The following CHSY1 variants were observed in gnomAD, a reference collection of about 807,000 sequenced individuals.
The protein encoded by CHSY1 is N-acetylgalactosaminyl-proteoglycan 3-beta-glucuronosyltransferase 1.
A neutral mutation model predicts 59.8 loss-of-function variants in CHSY1; 13 were observed. The ratio of observed to expected loss-of-function variants is 0.22; its 90% CI spans 0.14 to 0.35. The LOEUF is 0.35. Ranked by LOEUF, CHSY1 falls within the 10% of genes least tolerant of loss-of-function variation. The pLI is 1.00. For missense variants in CHSY1, 947 were observed against 1,030.6 expected (o/e 0.92, Z 1.11); for synonymous variants, 459 against 401.2 (o/e 1.14, Z -1.72).
intron 2 of CHSY1, among the ~76,000 whole-genome samples, chr15:101,195,478 G>T (rs761970118): frequency 4.3e-4 from 65 of 152,314 alleles, no homozygotes; most frequent in Non-Finnish European, 5.4e-4. Flanking sequence ...TAATGGTAAA[G>T]GTATAAGTCA....
chr15:101,221,387 G>A (rs1385489948), intron 2 of CHSY1, among the ~76,000 whole-genome samples: 4 of 152,138 alleles, frequency 2.6e-5, no homozygotes, highest in Non-Finnish European at 5.9e-5. Flanking sequence ...CAGCTACTCA[G>A]GACGCTGGGG....
At chr15:101,238,706 T>TA (rs1484585859) in intron 1 of CHSY1, among the ~76,000 whole-genome samples, 1 of 152,222 alleles carries the variant, frequency 6.6e-6, no homozygotes, top group Admixed American at 6.5e-5. Context: ...CCTGTATTCT[T>TA]ACGCCACTTA....
chr15:101,226,499 C>A (rs894839999), intron 2 of CHSY1, among the ~76,000 whole-genome samples: 4 of 152,196 alleles, frequency 2.6e-5, no homozygotes, highest in African/African-American at 4.8e-5. Flanking sequence ...TCAAGTCAGG[C>A]CTATTTGTGC....
intron 2 of CHSY1, among the ~76,000 whole-genome samples, chr15:101,181,249 T>G (rs1486606999): frequency 6.6e-6 from 1 of 152,226 alleles, no homozygotes. Flanking sequence ...GCCCACAATG[T>G]GCCTAACTGA....
chr15:101,211,221 G>T (rs894822046), intron 2 of CHSY1, among the ~76,000 whole-genome samples: 1 of 152,188 alleles, frequency 6.6e-6, no homozygotes, highest in Non-Finnish European at 1.5e-5. Flanking sequence ...CTACCTGGGA[G>T]GCTGAGGCAG....
intron 2 of CHSY1, among the ~76,000 whole-genome samples, chr15:101,196,308 T>C (rs1567092297): frequency 1.3e-5 from 2 of 151,360 alleles, no homozygotes; most frequent in Non-Finnish European, 2.9e-5. Context: ...TCCATAAGTA[T>C]AAATTACACT....
At chr15:101,241,802 T>C (rs1405153541) in intron 1 of CHSY1, among the ~76,000 whole-genome samples, 4 of 152,202 alleles carry the variant, frequency 2.6e-5, no homozygotes, top group African/African-American at 7.2e-5. Context: ...GTAGAACTGA[T>C]GGATAATAGG....
Position 101,177,918 on chromosome 15 carries a change from G to A in CHSY1, c.1879C>T (p.Leu627Phe). Residue 627 changes from leucine (L) to phenylalanine (F), a missense_variant, in exon 3 of 3, where the codon CTC becomes TTC. Leu to Phe is a conservative substitution (Grantham distance 22, BLOSUM62 0). This residue lies in a region of CHSY1 where 602 missense variants were observed against 676.9 expected (regional missense o/e 0.89). Coordinates refer to ENST00000254190, the MANE Select transcript of CHSY1 (RefSeq NM_014918.5). ...ACGAGGTCGACGTCGCAGAAGAAGA[G>A]CAAAGATTCATTGTTAAACTGGGAG... The part of the protein sequence containing the change: ...GSSQFNNESL[L>F]FFCDVDLVFT... The A allele has an allele frequency of 6.2e-7, 1 of 1,614,208 alleles. No homozygotes were observed. The highest frequency in any genetic ancestry group is 8.5e-7 in the Non-Finnish European group (1 of 1,180,026).
intron 2 of CHSY1, among the ~76,000 whole-genome samples, chr15:101,201,280 A>C (rs376895850): frequency 6.6e-6 from 1 of 152,220 alleles, no homozygotes; most frequent in South Asian, 2.1e-4. Context: ...GAAAATAATG[A>C]ATAATGAGGC....
chr15:101,177,406 G>T lies in CHSY1; in HGVS notation c.2391C>A (p.Gly797=). The change falls in exon 3 of 3, where the codon GGC becomes GGA. Residue 797 remains glycine, a synonymous_variant. Coordinates refer to ENST00000254190, the MANE Select transcript of CHSY1 (RefSeq NM_014918.5). ...PSYSKSSNNN[G]SVRTA ...CTGGACATTAGGCTGTCCTCACTGAGCCATTATTATTGCTGCTTTTACTGT... is the reference window on the plus strand; with the variant it reads ...CTGGACATTAGGCTGTCCTCACTGATCCATTATTATTGCTGCTTTTACTGT... 6.2e-7 allele frequency: 1 copy of T among 1,612,760 alleles called. No homozygotes were observed.
chr15:101,180,097 G>A (rs967109347), intron 2 of CHSY1, among the ~76,000 whole-genome samples: 5 of 152,166 alleles, frequency 3.3e-5, no homozygotes, highest in Admixed American at 2.6e-4. Context: ...ATTTGCCTCT[G>A]GACAATCATA....
intron 2 of CHSY1, among the ~76,000 whole-genome samples, chr15:101,183,167 G>A (rs2038303512): frequency 6.6e-6 from 1 of 152,026 alleles, no homozygotes. Flanking sequence ...CAGACAACAG[G>A]AGAGAAAAGT....
chr15:101,230,894 A>G (rs2141272676), intron 2 of CHSY1, among the ~76,000 whole-genome samples: 1 of 152,324 alleles, frequency 6.6e-6, no homozygotes, highest in East Asian at 1.9e-4. Context: ...TCATGTTTCA[A>G]TCTTTTGCAA....
chr15:101,181,066 T>C (rs1440412631), intron 2 of CHSY1, among the ~76,000 whole-genome samples: 1 of 152,236 alleles, frequency 6.6e-6, no homozygotes, highest in Non-Finnish European at 1.5e-5. Flanking sequence ...TACAAGGACC[T>C]GCTACGGTGC....
At chr15:101,224,600 C>G (rs969450163) in intron 2 of CHSY1, among the ~76,000 whole-genome samples, 7 of 152,224 alleles carry the variant, frequency 4.6e-5, no homozygotes, top group African/African-American at 1.7e-4. Flanking sequence ...AAGTCTGGGG[C>G]CTAGAAATGT....
At chr15:101,191,666 T>C (rs1456126955) in intron 2 of CHSY1, among the ~76,000 whole-genome samples, 1 of 152,164 alleles carries the variant, frequency 6.6e-6, no homozygotes, top group East Asian at 1.9e-4. Flanking sequence ...TGTGCACGTG[T>C]AGGGGCAGGC....
Position 101,177,453 on chromosome 15 carries a change from G to C in CHSY1, c.2344C>G (p.Leu782Val), listed in dbSNP as rs758767075. The change falls in exon 3 of 3, where the codon CTG becomes GTG. Residue 782 changes from leucine to valine, a missense_variant. Leu to Val is a conservative substitution (Grantham distance 32). Coordinates refer to ENST00000254190, the MANE Select transcript of CHSY1 (RefSeq NM_014918.5). Reference protein sequence around the residue: ...GSTQQLAEMWLEKNDPSYSKS... With the variant: ...GSTQQLAEMWVEKNDPSYSKS... ...CTGTAACTTGGATCATTTTTTTCCA[G>C]CCACATCTCAGCCAGCTGCTGGGTG... 1 of 1,612,256 alleles carries C rather than the reference G, an allele frequency of 6.2e-7. No homozygotes were observed. Among genetic ancestry groups the C allele is most frequent in the South Asian group, 1.1e-5 (1 of 90,594 alleles).
At chr15:101,197,280 C>T (rs1170637394) in intron 2 of CHSY1, among the ~76,000 whole-genome samples, 1 of 152,120 alleles carries the variant, frequency 6.6e-6, no homozygotes, top group Non-Finnish European at 1.5e-5. Context: ...ACTGGAAGCC[C>T]ATTAATTATG....
At chr15:101,229,605 C>G (rs980421341) in intron 2 of CHSY1, among the ~76,000 whole-genome samples, 1 of 152,140 alleles carries the variant, frequency 6.6e-6, no homozygotes, top group Non-Finnish European at 1.5e-5. Flanking sequence ...GAGAATTCAA[C>G]AATAACATTA....
Sources: gnomAD v4.1 joint callset for allele counts (sites outside exome capture counted in the v4.1 genomes callset) on GRCh38, gnomAD v4.1.1 for gene constraint, gnomAD v4.1.1 regional missense constraint, MANE v1.5 for transcripts, NCBI Gene and HGNC (gene_info 2026-07-23, HGNC 2026-07-21) for gene names.